The following ZCCHC2 variants were observed in gnomAD, a reference collection of about 807,000 sequenced individuals.
The protein encoded by ZCCHC2 is zinc finger CCHC-type containing 2, also known as zinc finger CCHC domain-containing protein 2.
In ZCCHC2, 39 loss-of-function variants were observed where a neutral mutation model predicts 103.6. The observed-to-expected ratio is 0.38, with a 90% CI of 0.29 to 0.49. ZCCHC2 has a LOEUF of 0.49. Among genes scored for constraint, ZCCHC2 ranks in the 20% least tolerant of loss-of-function variants. ZCCHC2 has a pLI of 0.96. For synonymous variants in ZCCHC2, 687 were observed against 608.9 expected (o/e 1.13, Z -1.89); for missense variants, 1,483 against 1,491.0 (o/e 0.99, Z 0.09).
chr18:62,543,684 C>T (rs550027042), intron 3 of ZCCHC2, among the ~76,000 whole-genome samples: 72 of 152,326 alleles, frequency 4.7e-4, no homozygotes, highest in Non-Finnish European at 7.5e-4. Context: ...CGAGATCCTT[C>T]TTGACACCCC....
At position 62,574,821 on chromosome 18, in the gene ZCCHC2, G is replaced by C. The variant is rs1916750638; in HGVS notation, c.2740G>C (p.Ala914Pro). 1 of 1,613,962 alleles carries C rather than the reference G, an allele frequency of 6.2e-7. No homozygotes were observed. ...TGGCCTCTCAGCTGCTCAGCCACCA[G>C]CTTCCTACCCCTTACCAGGCTCTCC... The part of the protein sequence containing the change: ...AAGLSAAQPP[A>P]SYPLPGSPLA... Residue 914 changes from alanine to proline, a missense_variant, in exon 13 of 14, where the codon GCT (alanine) becomes CCT (proline). Ala to Pro is a conservative substitution (Grantham distance 27). This residue lies in a region of ZCCHC2 where 884 missense variants were observed against 907.5 expected (regional missense o/e 0.97). Coordinates refer to ENST00000269499, the MANE Select transcript of ZCCHC2 (RefSeq NM_017742.6).
intron 1 of ZCCHC2, among the ~76,000 whole-genome samples, chr18:62,532,931 G>T (rs932216650): frequency 2.6e-5 from 4 of 152,134 alleles, no homozygotes; most frequent in African/African-American, 9.7e-5. Flanking sequence ...CAGCTACTCA[G>T]GAGGCGGAGG....
In ZCCHC2 at chr18:62,575,039, C is replaced by A; in HGVS notation, c.2958C>A (p.Thr986=). ...ACAGTACCGCGCAGAGTGACAGCACCTCTTACATCAGTGCTGTGGGGAACA... is the reference window on the plus strand; with the variant it reads ...ACAGTACCGCGCAGAGTGACAGCACATCTTACATCAGTGCTGTGGGGAACA... The part of the protein sequence containing the change: ...LTHSTAQSDS[T]SYISAVGNTN... Residue 986 remains threonine, a synonymous_variant, in exon 13 of 14, where the codon ACC becomes ACA. Transcript: ENST00000269499. The A allele has an allele frequency of 4.3e-6, 7 of 1,614,020 alleles. No homozygotes were observed. The highest frequency in any genetic ancestry group is 5.9e-6 in the Non-Finnish European group (7 of 1,179,890).
chr18:62,566,531 G>T (rs1916370607), intron 11 of ZCCHC2, among the ~76,000 whole-genome samples: 1 of 152,170 alleles, frequency 6.6e-6, no homozygotes, highest in African/African-American at 2.4e-5. Flanking sequence ...CCATACTGCT[G>T]CCGTGTTTGT....
In ZCCHC2 at chr18:62,552,805, G is replaced by A. The variant is rs536013326; in HGVS notation, c.1313+2345G>A. On this transcript the variant is annotated intron_variant, in intron 5 of 13. Coordinates refer to ENST00000269499, the MANE Select transcript of ZCCHC2 (RefSeq NM_017742.6). ...CTCCAGAGGCTGAGGTGGGAAGATCGCTTCAGCCCAGGAGCTTGAGGCCGC... is the reference window on the plus strand; with the variant it reads ...CTCCAGAGGCTGAGGTGGGAAGATCACTTCAGCCCAGGAGCTTGAGGCCGC... Among the ~76,000 whole-genome samples the A allele has an allele frequency of 4.0e-5, 6 of 151,494 alleles. No individual in the cohort carries two copies. The South Asian group carries it at 6.2e-4, about 16-fold the overall frequency.
chr18:62,523,874 C>G lies in ZCCHC2; in HGVS notation c.450C>G (p.Ala150=). ...KDYHYLRDSE[A]KANGLSDPGP... Reference sequence around the variant, plus strand: ...ACCACTACCTGCGCGACTCGGAGGCCAAGGCCAACGGCCTCTCGGACCCGG... The same window carrying G: ...ACCACTACCTGCGCGACTCGGAGGCGAAGGCCAACGGCCTCTCGGACCCGG... Residue 150 remains alanine, a synonymous_variant, in exon 1 of 14, where the codon GCC becomes GCG. Transcript: ENST00000269499. The G allele has an allele frequency of 2.6e-6, 4 of 1,543,484 alleles. No homozygotes were observed. Among genetic ancestry groups the G allele is most frequent in the South Asian group, 2.4e-5 (2 of 83,914 alleles).
intron 11 of ZCCHC2, among the ~76,000 whole-genome samples, chr18:62,568,453 CAAAA>C (rs922799864): frequency 2.0e-5 from 3 of 151,686 alleles, no homozygotes; most frequent in African/African-American, 7.3e-5. Flanking sequence ...TCTGAATTAT[CAAAA>C]AAAAGTTACG....
At chr18:62,530,893 T>C (rs1914644864) in intron 1 of ZCCHC2, among the ~76,000 whole-genome samples, 1 of 152,234 alleles carries the variant, frequency 6.6e-6, no homozygotes, top group Non-Finnish European at 1.5e-5. Context: ...ATTCTATAAC[T>C]TAAATCTGTT....
chr18:62,541,686 C>G (rs984061105), intron 2 of ZCCHC2, among the ~76,000 whole-genome samples: 3 of 152,322 alleles, frequency 2.0e-5, no homozygotes, highest in Admixed American at 6.5e-5. Flanking sequence ...ATACCCTGAA[C>G]AGCAGTGTCT....
intron 3 of ZCCHC2, among the ~76,000 whole-genome samples, 185 bp from the exon 4 acceptor site, chr18:62,544,617 C>T (rs1305336457): frequency 1.3e-5 from 2 of 152,040 alleles, no homozygotes; most frequent in Non-Finnish European, 2.9e-5. Flanking sequence ...TTTTGAGTAG[C>T]GTATGTCAAT....
chr18:62,569,164 TG>T (rs1185314391), intron 11 of ZCCHC2, among the ~76,000 whole-genome samples: 6 of 152,228 alleles, frequency 3.9e-5, no homozygotes, highest in African/African-American at 1.4e-4. Flanking sequence ...TTTGAGTGGC[TG>T]GGCTAATCTA....
rs777503608 is a variant in ZCCHC2, at chr18:62,575,060, G to A, written c.2979G>A (p.Gly993=). The change falls in exon 13 of 14, where the codon GGG becomes GGA. Residue 993 remains glycine, a synonymous_variant. Transcript: ENST00000269499. The stretch of plus-strand genomic sequence containing the variant: ...GCACCTCTTACATCAGTGCTGTGGG[G>A]AACACGAACGCTAATGGGACAGTAG... ...SDSTSYISAV[G]NTNANGTVVP... The A allele has an allele frequency of 6.2e-7, 1 of 1,614,008 alleles. No individual in the cohort carries two copies. The highest frequency in any genetic ancestry group is 1.1e-5 in the South Asian group (1 of 91,086).
At chr18:62,526,732 G>C (rs1455528941) in intron 1 of ZCCHC2, among the ~76,000 whole-genome samples, 1 of 152,056 alleles carries the variant, frequency 6.6e-6, no homozygotes, top group Non-Finnish European at 1.5e-5. Context: ...GGGCTCGGAG[G>C]TCACGCAACG....
chr18:62,550,327 A>C, intron 4 of ZCCHC2, 21 bp from the exon 5 acceptor site: 1 of 1,545,410 alleles, frequency 6.5e-7, no homozygotes, highest in South Asian at 1.1e-5. Flanking sequence ...AACATTGGAT[A>C]TTGTGGTTTT....
intron 5 of ZCCHC2, among the ~76,000 whole-genome samples, chr18:62,555,540 G>T (rs572118395): frequency 2.6e-5 from 4 of 152,300 alleles, no homozygotes. Flanking sequence ...CAGGCTCAGT[G>T]GCTCACGCCT....
chr18:62,530,372 G>A (rs986270584), intron 1 of ZCCHC2, among the ~76,000 whole-genome samples: 1 of 152,110 alleles, frequency 6.6e-6, no homozygotes, highest in African/African-American at 2.4e-5. Context: ...GTAAAATGGG[G>A]ATAATAACTT....
rs567728517 is a variant in ZCCHC2 at position 62,525,186 on chromosome 18, C to T, written c.939+823C>T. The T allele has an allele frequency of 8.5e-5, 13 of 152,224 alleles. No individual in the cohort carries two copies. In the East Asian group the frequency reaches 1.5e-3, roughly 18 times the overall value. The allele number at this position is 152,224 out of a possible 1,614,324, so 9.4% of individuals were successfully genotyped here. The stretch of plus-strand genomic sequence containing the variant: ...GTTTACGATAGGCGTTAATGTTGCC[C>T]AAAAGAATCACTTAAACACCAAAAT... On this transcript the variant is annotated intron_variant, in intron 1 of 13. Transcript: ENST00000269499.
chr18:62,546,008 A>ATAGT (rs1275651894), intron 4 of ZCCHC2, among the ~76,000 whole-genome samples: 1 of 152,222 alleles, frequency 6.6e-6, no homozygotes, highest in Non-Finnish European at 1.5e-5. Context: ...GATGACTTGA[A>ATAGT]TAGTTCCATC....
intron 5 of ZCCHC2, among the ~76,000 whole-genome samples, chr18:62,555,253 C>A (rs1411222457): frequency 6.6e-6 from 1 of 152,156 alleles, no homozygotes; most frequent in Non-Finnish European, 1.5e-5. Flanking sequence ...AGCCCTTTTA[C>A]AGGTACCACT....
Sources: gnomAD v4.1 joint callset for allele counts (sites outside exome capture counted in the v4.1 genomes callset) on GRCh38, gnomAD v4.1.1 for gene constraint, gnomAD v4.1.1 regional missense constraint, MANE v1.5 for transcripts, NCBI Gene and HGNC (gene_info 2026-07-23, HGNC 2026-07-21) for gene names.